Variants in SMOC1 observed in about 807,000 individuals in gnomAD.
The protein encoded by SMOC1 is SPARC-related modular calcium-binding protein 1.
In SMOC1, 22 loss-of-function variants were observed where a neutral mutation model predicts 56.3. That is an observed-to-expected ratio of 0.39 (90% CI 0.28 to 0.56). SMOC1 has a LOEUF of 0.56. SMOC1 is among the 20% of genes least tolerant of loss of function. The pLI, the probability that SMOC1 is intolerant of heterozygous loss-of-function variation, is 0.61. For synonymous variants in SMOC1, 193 were observed against 215.0 expected (o/e 0.90, Z 0.89); for missense variants, 509 against 565.4 (o/e 0.90, Z 1.01).
At chr14:69,936,057 C>T (rs1381143860) in intron 1 of SMOC1, among the ~76,000 whole-genome samples, 1 of 152,206 alleles carries the variant, frequency 6.6e-6, no homozygotes, top group Non-Finnish European at 1.5e-5. Flanking sequence ...CCCTCCCCTA[C>T]CTGAAGCTAG....
At chr14:70,006,748 G>A (rs1237333353) in intron 7 of SMOC1, among the ~76,000 whole-genome samples, 1 of 152,178 alleles carries the variant, frequency 6.6e-6, no homozygotes, top group African/African-American at 2.4e-5. Flanking sequence ...GAATGTACAA[G>A]GTGACCTCCC....
intron 1 of SMOC1, among the ~76,000 whole-genome samples, chr14:69,925,960 C>T (rs2139379954): frequency 6.6e-6 from 1 of 152,222 alleles, no homozygotes; most frequent in East Asian, 1.9e-4. Context: ...GCTCTTCCTG[C>T]CCCCCACTCT....
At chr14:69,939,191 A>G (rs1228026342) in intron 1 of SMOC1, among the ~76,000 whole-genome samples, 1 of 152,226 alleles carries the variant, frequency 6.6e-6, no homozygotes, top group Non-Finnish European at 1.5e-5. Context: ...TCATTTATAA[A>G]GGAAAGAGGT....
chr14:69,919,919 C>T lies in SMOC1; in HGVS notation c.100-32219C>T, dbSNP rs553491248. On this transcript the variant is annotated intron_variant, in intron 1 of 11. Coordinates refer to ENST00000361956, the MANE Select transcript of SMOC1 (RefSeq NM_001034852.3). ...TCCTATGAACACAAATACCCCCCCC[C>T]CCCTTTCTCCCCTGGAGTAGGGATA... Among the ~76,000 whole-genome samples the T allele has an allele frequency of 2.7e-5, 4 of 149,962 alleles. 1 individual carries two copies. Among genetic ancestry groups the T allele is most frequent in the East Asian group, 2.0e-4 (1 of 5,030 alleles).
chr14:69,902,941 G>A (rs912737282), intron 1 of SMOC1, among the ~76,000 whole-genome samples: 4 of 152,214 alleles, frequency 2.6e-5, no homozygotes, highest in Non-Finnish European at 5.9e-5. Context: ...CTAGGCTGGA[G>A]TGCAGTGGCG....
chr14:69,898,507 G>C (rs950530322), intron 1 of SMOC1, among the ~76,000 whole-genome samples: 10 of 151,042 alleles, frequency 6.6e-5, no homozygotes, highest in Admixed American at 2.0e-4. Context: ...TTCAGTTTTG[G>C]AAGTTTCTAT....
chr14:70,014,823 T>C (rs977419951), intron 10 of SMOC1, among the ~76,000 whole-genome samples: 13 of 152,150 alleles, frequency 8.5e-5, no homozygotes, highest in African/African-American at 3.1e-4. Context: ...CTGTTATCCA[T>C]AAGGCAAGGA....
chr14:69,983,462 G>C (rs80270025), intron 5 of SMOC1, among the ~76,000 whole-genome samples: 3 of 152,180 alleles, frequency 2.0e-5, no homozygotes, highest in Admixed American at 6.5e-5. Context: ...TATGATGGAG[G>C]TTATTCATCT....
chr14:69,902,929 G>A (rs1328857774), intron 1 of SMOC1, among the ~76,000 whole-genome samples: 1 of 152,216 alleles, frequency 6.6e-6, no homozygotes, highest in East Asian at 1.9e-4. Flanking sequence ...GCTCAGTGTT[G>A]CCTAGGCTGG....
intron 2 of SMOC1, 69 bp from the exon 3 acceptor site, chr14:69,953,351 G>C: frequency 2.0e-6 from 3 of 1,467,676 alleles, no homozygotes; most frequent in Non-Finnish European, 2.9e-6. Flanking sequence ...GGTTTTCTCA[G>C]CCATTTTGTC....
intron 9 of SMOC1, 67 bp downstream of exon 9, chr14:70,011,634 G>A: frequency 7.0e-7 from 1 of 1,426,768 alleles, no homozygotes; most frequent in Non-Finnish European, 9.9e-7. Context: ...TCATTATGCA[G>A]AAGAAGCTGT....
chr14:69,892,419 A>T (rs1883986539), intron 1 of SMOC1, among the ~76,000 whole-genome samples: 1 of 152,230 alleles, frequency 6.6e-6, no homozygotes, highest in Admixed American at 6.5e-5. Context: ...TAATTGGGGA[A>T]ATTTATTTAA....
intron 10 of SMOC1, 121 bp from the exon 11 acceptor site, chr14:70,023,082 G>A (rs1429650407): frequency 6.7e-7 from 1 of 1,488,036 alleles, no homozygotes; most frequent in Non-Finnish European, 9.4e-7. Context: ...GCTGTGGGTG[G>A]ACTTTGGCTT....
chr14:70,007,926 G>A (rs1057444058), intron 7 of SMOC1, among the ~76,000 whole-genome samples: 4 of 152,110 alleles, frequency 2.6e-5, no homozygotes, highest in African/African-American at 7.2e-5. Context: ...TCTTCACAGA[G>A]GGTTAGTGCT....
chr14:69,989,905 G>A (rs142692466), intron 5 of SMOC1, among the ~76,000 whole-genome samples: 1 of 152,342 alleles, frequency 6.6e-6, no homozygotes, highest in African/African-American at 2.4e-5. Context: ...AGAGGGTGCT[G>A]TTCGCTTTGG....
chr14:69,975,908 A>G, intron 4 of SMOC1, 94 bp downstream of exon 4: 1 of 847,434 alleles, frequency 1.2e-6, no homozygotes, highest in Non-Finnish European at 2.0e-6. Flanking sequence ...TAGAAGGTTG[A>G]TGGTGGTGAT....
At chr14:69,968,245 C>T (rs558562379) in intron 3 of SMOC1, among the ~76,000 whole-genome samples, 43 of 152,278 alleles carry the variant, frequency 2.8e-4, no homozygotes, top group Admixed American at 9.8e-4. Flanking sequence ...CTGGACCCAG[C>T]GGCAAGAGCA....
At position 69,879,771 on chromosome 14, in the gene SMOC1, C is replaced by T. The variant is rs544992479; in HGVS notation, c.93C>T (p.Gly31=). The T allele has an allele frequency of 6.4e-5, 102 of 1,588,656 alleles. 2 individuals carry two copies. The South Asian group carries it at 1.1e-3, about 18-fold the overall frequency. The change falls in exon 1 of 12, where the codon GGC becomes GGT. Residue 31 remains glycine, a synonymous_variant. Coordinates refer to ENST00000361956, the MANE Select transcript of SMOC1 (RefSeq NM_001034852.3). ...CTGCTCGCGGCCACCGCACCACAGG[C>T]CCCAGGGTAAGTGCGCCCCCAGCTT... The part of the protein sequence containing the change: ...LSPARGHRTT[G]PRFLISDRDP...
In SMOC1 at chr14:69,900,509, G is replaced by A. The variant is rs959740807; in HGVS notation, c.99+20732G>A. Among the ~76,000 whole-genome samples, 4 of 152,222 alleles carry A rather than the reference G, an allele frequency of 2.6e-5. No individual in the cohort carries two copies. The East Asian group carries it at 5.8e-4, about 22-fold the overall frequency. On this transcript the variant is annotated intron_variant, in intron 1 of 11. Transcript: ENST00000361956. ...ACTTATCTGGCTCTTCTTATGTGCC[G>A]GGTACTTTTCTAAGCCCCTTTGCAC...
Sources: allele counts gnomAD v4.1 joint callset (sites outside exome capture counted in the v4.1 genomes callset), GRCh38; gene constraint gnomAD v4.1.1; transcripts MANE v1.5; gene names NCBI Gene and HGNC (gene_info 2026-07-23, HGNC 2026-07-21).